Variants in GLI1 observed in about 807,000 individuals in gnomAD.
GLI1 encodes the protein GLI family zinc finger 1.
Under a neutral mutation model 87.8 loss-of-function variants are expected in GLI1, and 51 were observed. That is an observed-to-expected ratio of 0.58 (90% CI 0.46 to 0.73). The LOEUF is 0.73. Among genes scored for constraint, GLI1 ranks in the 30% least tolerant of loss-of-function variants. GLI1 has a pLI of 0.00. For synonymous variants in GLI1, 528 were observed against 558.2 expected, an observed-to-expected ratio of 0.95 and a Z score of 0.76; for missense variants, 1,292 against 1,437.2, an observed-to-expected ratio of 0.90 and a Z score of 1.63.
rs1871362891 is a variant in GLI1 at position 57,464,767 on chromosome 12, G to A, written c.288G>A (p.Gln96=). The A allele has an allele frequency of 3.7e-6, 6 of 1,614,030 alleles. No homozygotes were observed. The East Asian group carries it at 1.3e-4, about 36-fold the overall frequency. Residue 96 remains glutamine, a synonymous_variant, in exon 4 of 12, where the codon CAG becomes CAA. Coordinates refer to ENST00000228682, the MANE Select transcript of GLI1 (RefSeq NM_005269.3). ...TGTCGGATGCCAGCCTGGACCTGCA[G>A]ACGGTTATCCGCACCTCACCCAGCT... ...SPLSDASLDL[Q]TVIRTSPSSL...
rs1871902200 is a variant in GLI1 at position 57,471,233 on chromosome 12, C to G, written c.2493C>G (p.Pro831=). The G allele has an allele frequency of 2.5e-6, 4 of 1,604,218 alleles. No homozygotes were observed. Among genetic ancestry groups the G allele is most frequent in the Admixed American group, 1.7e-5 (1 of 58,382 alleles). ...GGTCTGACTCCACAGGACTGGCACCCTGCCTCAATGCCCACCCCAGTGAGG... is the reference window on the plus strand; with the variant it reads ...GGTCTGACTCCACAGGACTGGCACCGTGCCTCAATGCCCACCCCAGTGAGG... The part of the protein sequence containing the change: ...PVGSDSTGLA[P]CLNAHPSEGP... Residue 831 remains proline, a synonymous_variant, in exon 12 of 12, where the codon CCC becomes CCG. Transcript: ENST00000228682. The surrounding 1 kb of genome is among the most constrained non-coding windows in gnomAD (Gnocchi z 4.9).
intron 11 of GLI1, 141 bp downstream of exon 11, chr12:57,469,839 A>G: frequency 1.3e-6 from 1 of 765,462 alleles, no homozygotes; most frequent in Non-Finnish European, 2.1e-6. Flanking sequence ...GACACTTTCC[A>G]TTTATCAGAA....
intron 10 of GLI1, among the ~76,000 whole-genome samples, chr12:57,469,098 G>T (rs1871696785): frequency 6.6e-6 from 1 of 152,138 alleles, no homozygotes; most frequent in African/African-American, 2.4e-5. Flanking sequence ...CCTTTTACAT[G>T]TATAATTTCA....
In GLI1 at chr12:57,471,424, C is replaced by T. The variant is rs1349827041; in HGVS notation, c.2684C>T (p.Ala895Val). Reference sequence around the variant, plus strand: ...ACCCATTCCACAGGGCAGCTCAAGGCTCAGCTTGTGTGTAATTATGTTCAA... The same window carrying T: ...ACCCATTCCACAGGGCAGCTCAAGGTTCAGCTTGTGTGTAATTATGTTCAA... ...SPTHSTGQLK[A>V]QLVCNYVQSQ... Residue 895 changes from alanine to valine, a missense_variant, in exon 12 of 12, where the codon GCT becomes GTT. Ala to Val is a moderately conservative substitution (Grantham distance 64). Around this residue, in one of 3 missense-constraint regions of GLI1, gnomAD observed 897 missense variants for 1,040.7 expected, o/e 0.86. Coordinates refer to ENST00000228682, the MANE Select transcript of GLI1 (RefSeq NM_005269.3). This position sits in a 1 kb window ranked among gnomAD's most constrained non-coding sequence, Gnocchi z 4.9. 1.9e-6 allele frequency: 3 copies of T among 1,613,782 alleles called. No homozygotes were observed. Among genetic ancestry groups the T allele is most frequent in the African/African-American group, 2.7e-5 (2 of 74,878 alleles).
At chr12:57,466,539 G>C (rs1871498898) in intron 8 of GLI1, 150 bp downstream of exon 8, 8 of 605,168 alleles carry the variant, frequency 1.3e-5, no homozygotes, top group Non-Finnish European at 1.7e-5. Context: ...TTGGCATAAA[G>C]ATGAATATGA....
Position 57,470,591 on chromosome 12 carries a change from G to A in GLI1, c.1851G>A (p.Met617Ile), listed in dbSNP as rs750849875. The A allele has an allele frequency of 6.2e-7, 1 of 1,614,090 alleles. No homozygotes were observed. The highest frequency in any genetic ancestry group is 2.2e-5 in the East Asian group (1 of 44,882). The change falls in exon 12 of 12, where the codon ATG (methionine) becomes ATA (isoleucine). Residue 617 changes from methionine (M) to isoleucine (I), a missense_variant. This residue lies in a region of GLI1 where 897 missense variants were observed against 1,040.7 expected (regional missense o/e 0.86). Coordinates refer to ENST00000228682, the MANE Select transcript of GLI1 (RefSeq NM_005269.3). Reference sequence around the variant, plus strand: ...TGGATCGGATAGGTGGTCTTCCCATGCCTCCTTGGAGAAGCCGAGCCGAGT... The same window carrying A: ...TGGATCGGATAGGTGGTCTTCCCATACCTCCTTGGAGAAGCCGAGCCGAGT... ...SSLDRIGGLP[M>I]PPWRSRAEYP...
At chr12:57,468,324 A>G in intron 10 of GLI1, 100 bp downstream of exon 10, 1 of 730,386 alleles carries the variant, frequency 1.4e-6, no homozygotes, top group South Asian at 1.8e-5. Flanking sequence ...TATAGAAGTC[A>G]CTCTTCTGTG....
chr12:57,471,492 GC>G lies in GLI1; in HGVS notation c.2757del (p.Ala920ProfsTer26). On this transcript the variant is annotated frameshift_variant, in exon 12 of 12. Coordinates refer to ENST00000228682, the MANE Select transcript of GLI1 (RefSeq NM_005269.3). LOFTEE classifies it high-confidence loss of function. This position sits in a 1 kb window ranked among gnomAD's most constrained non-coding sequence, Gnocchi z 4.9. ...GTGGGAGGGTGGGGGCAGGGAAGATGCCCCCGCCCAGGAACCTTCCTACCAG... is the reference window on the plus strand; with the variant it reads ...GTGGGAGGGTGGGGGCAGGGAAGATGCCCCGCCCAGGAACCTTCCTACCAG... ...LLWEGGGRED[A>X]PAQEPSYQSP... 2 of 1,609,812 alleles carry G rather than the reference GC, an allele frequency of 1.2e-6. No individual in the cohort carries two copies. Among genetic ancestry groups the G allele is most frequent in the East Asian group, 2.2e-5 (1 of 44,860 alleles).
Position 57,470,447 on chromosome 12 carries a change from C to A in GLI1, c.1707C>A (p.Ser569=). ...TGGCCTCTCCTTTCCCCCCTGGCTC[C>A]CCACCAGAGAATGGAGCATCCTCCC... ...SSLASPFPPG[S]PPENGASSLP... The change falls in exon 12 of 12, where the codon TCC becomes TCA. Residue 569 remains serine (S), a synonymous_variant. Coordinates refer to ENST00000228682, the MANE Select transcript of GLI1 (RefSeq NM_005269.3). 1 of 1,614,174 alleles carries A rather than the reference C, an allele frequency of 6.2e-7. No individual in the cohort carries two copies.
intron 1 of GLI1, among the ~76,000 whole-genome samples, chr12:57,462,411 C>G (rs1312130478): frequency 6.6e-6 from 1 of 152,154 alleles, no homozygotes; most frequent in East Asian, 1.9e-4. Context: ...GGATCACCCA[C>G]CGCGCCGGCC....
chr12:57,470,977 G>A lies in GLI1; in HGVS notation c.2237G>A (p.Arg746Lys), dbSNP rs1465909682. 9 of 1,613,414 alleles carry A rather than the reference G, an allele frequency of 5.6e-6. No homozygotes were observed. In the South Asian group the frequency reaches 7.7e-5, roughly 14 times the overall value. Residue 746 changes from arginine (R) to lysine (K), a missense_variant, in exon 12 of 12, where the codon AGG (arginine) becomes AAG (lysine). Physicochemically the swap from Arg to Lys is conservative, Grantham distance 26. Transcript: ENST00000228682. ...EGAAAEPYGARGPGSLPLGPG... is the reference protein window; with the variant it reads ...EGAAAEPYGAKGPGSLPLGPG... ...GCAGCAGCTGAGCCTTATGGAGCGA[G>A]GGGTCCAGGCTCTCTGCCTCTTGGG...
In GLI1 at chr12:57,463,699, A is replaced by C. The variant is rs779451445; in HGVS notation, c.8A>C (p.Asn3Thr). The C allele has an allele frequency of 4.3e-6, 7 of 1,609,452 alleles. No homozygotes were observed. Among genetic ancestry groups the C allele is most frequent in the Non-Finnish European group, 5.1e-6 (6 of 1,176,926 alleles). Residue 3 changes from asparagine (N) to threonine (T), a missense_variant, in exon 2 of 12, where the codon AAC becomes ACC. Physicochemically the swap from Asn to Thr is moderately conservative, Grantham distance 65. This residue lies in a region of GLI1 where 383 missense variants were observed against 368.4 expected (regional missense o/e 1.04). Coordinates refer to ENST00000228682, the MANE Select transcript of GLI1 (RefSeq NM_005269.3). The stretch of plus-strand genomic sequence containing the variant: ...ACCCTCCTCTGAGACGCCATGTTCA[A>C]CTCGATGACCCCACCACCAATCAGT... MF[N>T]SMTPPPISSY...
rs754500775 is a variant in GLI1, at chr12:57,471,495, C to T, written c.2755C>T (p.Pro919Ser). 6.2e-7 allele frequency: 1 copy of T among 1,610,498 alleles called. No homozygotes were observed. Among genetic ancestry groups the T allele is most frequent in the Non-Finnish European group, 8.5e-7 (1 of 1,178,534 alleles). The change falls in exon 12 of 12, where the codon CCC becomes TCC. Residue 919 changes from proline (P) to serine (S), a missense_variant. By Grantham distance (74) the Pro-to-Ser change is moderately conservative. Transcript: ENST00000228682. The surrounding 1 kb of genome is among the most constrained non-coding windows in gnomAD (Gnocchi z 4.9). ...GGAGGGTGGGGGCAGGGAAGATGCC[C>T]CCGCCCAGGAACCTTCCTACCAGAG... Reference protein sequence around the residue: ...LWEGGGREDAPAQEPSYQSPK... With the variant: ...LWEGGGREDASAQEPSYQSPK...
intron 1 of GLI1, among the ~76,000 whole-genome samples, chr12:57,461,396 A>AG (rs1389432969): frequency 6.6e-6 from 1 of 151,594 alleles, no homozygotes; most frequent in Admixed American, 6.6e-5. Flanking sequence ...GGGGGTCTGG[A>AG]GGGGTTAACC....
rs751129395 is a variant in GLI1 at position 57,466,505 on chromosome 12, A to T, written c.912+116A>T. On this transcript the variant is annotated intron_variant, in intron 8 of 11. Coordinates refer to ENST00000228682, the MANE Select transcript of GLI1 (RefSeq NM_005269.3). ...GTCCTTTCTTCCATAAACAAATATT[A>T]AAAATAATGTTTGTGTGACTGTGTT... 3 of 684,608 alleles carry T rather than the reference A, an allele frequency of 4.4e-6. No individual in the cohort carries two copies. In the East Asian group the frequency reaches 8.7e-5, roughly 20 times the overall value. The allele number at this position is 684,608 out of a possible 1,614,324, so 42.4% of individuals were successfully genotyped here.
chr12:57,464,604 A>G, intron 3 of GLI1, 69 bp from the exon 4 acceptor site: 1 of 1,101,506 alleles, frequency 9.1e-7, no homozygotes, highest in Non-Finnish European at 1.3e-6. Context: ...CCAAGTCAGG[A>G]CCCATAGGTT....
rs771552323 is a variant in GLI1 at position 57,463,697 on chromosome 12, C to T, written c.6C>T (p.Phe2=). 1.2e-6 allele frequency: 2 copies of T among 1,608,124 alleles called. No homozygotes were observed. Among genetic ancestry groups the T allele is most frequent in the South Asian group, 2.2e-5 (2 of 90,980 alleles). The change falls in exon 2 of 12, where the codon TTC becomes TTT. Residue 2 remains phenylalanine, a synonymous_variant. Transcript: ENST00000228682. The part of the protein sequence containing the change: M[F]NSMTPPPISS... ...ACACCCTCCTCTGAGACGCCATGTT[C>T]AACTCGATGACCCCACCACCAATCA...
At position 57,465,824 on chromosome 12, in the gene GLI1, C is replaced by T. The variant is rs1478880212; in HGVS notation, c.661C>T (p.Leu221Phe). Residue 221 changes from leucine to phenylalanine, a missense_variant, in exon 7 of 12, where the codon CTC becomes TTC. This residue lies in a region of GLI1 where 383 missense variants were observed against 368.4 expected (regional missense o/e 1.04). Transcript: ENST00000228682. ...LLGMLDGRED[L>F]EREEKREPES... is the part of the protein sequence containing the mutation. ...GGGGATGCTGGATGGGCGGGAGGAC[C>T]TCGAGAGAGAGGAGAAGCGTGAGCC... 3 of 1,614,026 alleles carry T rather than the reference C, an allele frequency of 1.9e-6. No homozygotes were observed. The highest frequency in any genetic ancestry group is 3.3e-5 in the Admixed American group (2 of 60,006).
Position 57,465,238 on chromosome 12 carries a change from C to A in GLI1, c.517C>A (p.Pro173Thr). 1.2e-6 allele frequency: 2 copies of A among 1,610,932 alleles called. No individual in the cohort carries two copies. The highest frequency in any genetic ancestry group is 1.7e-6 in the Non-Finnish European group (2 of 1,178,660). ...GMIPHPQSRG[P>T]FPTCQLKSEL... The stretch of plus-strand genomic sequence containing the variant: ...GATCCCACATCCTCAGTCCCGGGGA[C>A]CCTTCCCAACTTGCCAGGTGAGAGT... Residue 173 changes from proline (P) to threonine (T), a missense_variant, in exon 5 of 12, where the codon CCC becomes ACC. By Grantham distance (38) the Pro-to-Thr change is conservative. This residue lies in a region of GLI1 where 383 missense variants were observed against 368.4 expected (regional missense o/e 1.04). Coordinates refer to ENST00000228682, the MANE Select transcript of GLI1 (RefSeq NM_005269.3).
Sources: allele counts gnomAD v4.1 joint callset (sites outside exome capture counted in the v4.1 genomes callset), GRCh38; gene constraint gnomAD v4.1.1; regional missense constraint gnomAD v4.1.1; non-coding constraint Gnocchi (gnomAD v3.1); transcripts MANE v1.5; gene names NCBI Gene and HGNC (gene_info 2026-07-23, HGNC 2026-07-21).